The following TNFRSF14 variants were observed in gnomAD, a reference collection of about 807,000 sequenced individuals.
The protein encoded by TNFRSF14 is tumor necrosis factor receptor superfamily member 14.
In TNFRSF14, 18 loss-of-function variants were observed where a neutral mutation model predicts 34.1. That is an observed-to-expected ratio of 0.53 (90% CI 0.36 to 0.78). TNFRSF14 has a LOEUF of 0.78. Ranked by LOEUF, TNFRSF14 falls within the 30% of genes least tolerant of loss-of-function variation. The pLI is 0.00. For synonymous variants in TNFRSF14, 157 were observed against 153.2 expected, an observed-to-expected ratio of 1.02 and a Z score of -0.18; for missense variants, 352 against 379.5, an observed-to-expected ratio of 0.93 and a Z score of 0.60.
rs1271749137 is a variant in TNFRSF14, at chr1:2,556,398, T to C, written c.-267T>C. The C allele has an allele frequency of 2.6e-5, 18 of 680,874 alleles. No individual in the cohort carries two copies. The highest frequency in any genetic ancestry group is 4.3e-5 in the Non-Finnish European group (16 of 371,454). 42.2% of individuals were successfully genotyped at this position (680,874 alleles called of 1,614,324 possible). The stretch of plus-strand genomic sequence containing the variant: ...ACCGGCCCTTCCCCTCGGCTTTGCC[T>C]GGACAGCTCCTGCCTCCCGCAGGGC... On this transcript the variant is annotated 5_prime_UTR_variant, in exon 1 of 8. Coordinates refer to ENST00000355716, the MANE Select transcript of TNFRSF14 (RefSeq NM_003820.4).
In TNFRSF14 at chr1:2,563,149, G is replaced by A. The variant is rs377222246; in HGVS notation, c.728G>A (p.Arg243Gln). 7.1e-5 allele frequency: 115 copies of A among 1,613,428 alleles called. 2 individuals are homozygous for A. Among genetic ancestry groups the A allele is most frequent in the South Asian group, 2.2e-4 (20 of 91,086 alleles). The change falls in exon 8 of 8, where the codon CGG becomes CAG. Residue 243 changes from arginine to glutamine, a missense_variant and splice_region_variant. Coordinates refer to ENST00000355716, the MANE Select transcript of TNFRSF14 (RefSeq NM_003820.4). Reference sequence around the variant, plus strand: ...TCTCCACGATTCGTGTGCTCACAGCGGAAAAGACAGGAGGCAGAAGGTGAG... The same window carrying A: ...TCTCCACGATTCGTGTGCTCACAGCAGAAAAGACAGGAGGCAGAAGGTGAG... ...DVVKVIVSVQ[R>Q]KRQEAEGEAT... is the part of the protein sequence containing the mutation.
At chr1:2,558,830 C>A (rs1246865948) in intron 3 of TNFRSF14, 19 of 1,324,138 alleles carry the variant, frequency 1.4e-5, no homozygotes, top group Non-Finnish European at 1.8e-5. Context: ...CTCCGGCCGG[C>A]ACTCGGGCCT....
In TNFRSF14 at chr1:2,556,714, A is replaced by G. The variant is rs4870; in HGVS notation, c.50A>G (p.Lys17Arg). 802,136 of 1,602,598 alleles carry G rather than the reference A, an allele frequency of 0.5. 204,775 individuals are homozygous for G. Among genetic ancestry groups the G allele is most frequent in the African/African-American group, 0.72 (54,052 of 74,620 alleles). Reference protein sequence around the residue: ...WGPPPWRSTPKTDVLRLVLYL... With the variant: ...WGPPPWRSTPRTDVLRLVLYL... ...CCTCCTCCCTGGAGATCCACCCCCA[A>G]AACCGACGTCTTGAGGCTGGTGAGC... Residue 17 changes from lysine (K) to arginine (R), a missense_variant, in exon 1 of 8, where the codon AAA (lysine) becomes AGA (arginine). Physicochemically the swap from Lys to Arg is conservative, Grantham distance 26. Transcript: ENST00000355716.
At chr1:2,554,937 G>A (rs1449940766), upstream of TNFRSF14, 1 of 152,158 alleles carries the variant, frequency 6.6e-6, no homozygotes, top group East Asian at 1.9e-4. This position sits in a 1 kb window ranked among gnomAD's most constrained non-coding sequence, Gnocchi z 4.2. Flanking sequence ...TGCCCTCCTG[G>A]GGCCCCCGGG....
intron 7 of TNFRSF14, 63 bp downstream of exon 7, chr1:2,562,959 G>T: frequency 1.3e-6 from 2 of 1,557,896 alleles, no homozygotes; most frequent in Non-Finnish European, 1.8e-6. Context: ...CTCCCCGCTG[G>T]GGCTGGTGTT....
chr1:2,557,957 C>A, intron 2 of TNFRSF14, 123 bp downstream of exon 2: 1 of 843,568 alleles, frequency 1.2e-6, no homozygotes, highest in East Asian at 2.9e-5. Context: ...AGCCCTGGGG[C>A]TAGGTGTGCA....
chr1:2,562,005 G>T (rs955159332), intron 6 of TNFRSF14, 190 bp downstream of exon 6: 18 of 661,234 alleles, frequency 2.7e-5, no homozygotes, highest in Admixed American at 1.7e-4. Context: ...TGGCCTCCCT[G>T]GGGGAAGGGA....
intron 1 of TNFRSF14, chr1:2,556,971 A>C: frequency 4.3e-6 from 2 of 467,290 alleles, no homozygotes; most frequent in Non-Finnish European, 7.6e-6. Flanking sequence ...TGTGTCCCCC[A>C]CTCACCACTC....
intron 3 of TNFRSF14, chr1:2,558,915 T>A (rs1467902327): frequency 7.3e-7 from 1 of 1,361,450 alleles, no homozygotes; most frequent in Non-Finnish European, 9.7e-7. Flanking sequence ...GGGGAAGAGG[T>A]CACCTGGAGG....
chr1:2,560,832 AC>A (rs1220011580), intron 5 of TNFRSF14, 118 bp downstream of exon 5: 1 of 877,884 alleles, frequency 1.1e-6, no homozygotes, highest in Non-Finnish European at 1.8e-6. Context: ...CCTGAGCGGC[AC>A]CCTGGTCACA....
intron 6 of TNFRSF14, chr1:2,562,624 G>A (rs1265389237): frequency 4.9e-6 from 3 of 612,876 alleles, no homozygotes; most frequent in Non-Finnish European, 8.7e-6. Context: ...GCCTCAGCTG[G>A]GGAGGTGGGC....
intron 3 of TNFRSF14, 69 bp downstream of exon 3, chr1:2,558,537 C>G (rs945311667): frequency 3.7e-5 from 59 of 1,592,968 alleles, no homozygotes; most frequent in Non-Finnish European, 4.6e-5. Context: ...CCTGCACCCT[C>G]TCTCCATGGC....
chr1:2,558,533 C>T, intron 3 of TNFRSF14, 65 bp downstream of exon 3: 1 of 1,596,310 alleles, frequency 6.3e-7, no homozygotes, highest in Non-Finnish European at 8.5e-7. Context: ...GCACCCTGCA[C>T]CCTCTCTCCA....
At chr1:2,559,600 C>T (rs183193750) in intron 3 of TNFRSF14, 247 of 1,533,240 alleles carry the variant, frequency 1.6e-4, no homozygotes, top group Admixed American at 9.6e-4. Context: ...CCAGGACCTT[C>T]CTGCAAGCCC....
chr1:2,560,785 G>A, intron 5 of TNFRSF14, 71 bp downstream of exon 5: 9 of 1,419,832 alleles, frequency 6.3e-6, no homozygotes, highest in African/African-American at 1.4e-5. Context: ...CCTGGGAGAT[G>A]ACCGTCTTCT....
intron 3 of TNFRSF14, chr1:2,559,582 A>G: frequency 6.5e-7 from 1 of 1,530,512 alleles, no homozygotes; most frequent in East Asian, 2.5e-5. Flanking sequence ...CCCATCAACG[A>G]AGCCCTCCCA....
Position 2,561,936 on chromosome 1 carries a change from C to T in TNFRSF14, c.694+121C>T, listed in dbSNP as rs1256198179. 9.0e-7 allele frequency: 1 copy of T among 1,106,804 alleles called. No homozygotes were observed. 68.6% of individuals were successfully genotyped at this position (1,106,804 alleles called of 1,614,324 possible). ...CCAGGATCCGCGGCTCCTCCCAGGGCAGCCACTGCAGGCTGGGGCAGGTGG... is the reference window on the plus strand; with the variant it reads ...CCAGGATCCGCGGCTCCTCCCAGGGTAGCCACTGCAGGCTGGGGCAGGTGG... On this transcript the variant is annotated intron_variant, in intron 6 of 7. Coordinates refer to ENST00000355716, the MANE Select transcript of TNFRSF14 (RefSeq NM_003820.4). The surrounding 1 kb of genome is among the most constrained non-coding windows in gnomAD (Gnocchi z 6.0).
intron 1 of TNFRSF14, 24 bp from the exon 2 acceptor site, chr1:2,557,702 C>A (rs1227977024): frequency 6.5e-7 from 1 of 1,549,176 alleles, no homozygotes; most frequent in South Asian, 1.2e-5. Flanking sequence ...GGGCATCTCC[C>A]AATGCCTGTC....
chr1:2,559,002 G>A, intron 3 of TNFRSF14: 4 of 1,367,822 alleles, frequency 2.9e-6, no homozygotes, highest in Non-Finnish European at 3.9e-6. Flanking sequence ...TGAGCGCAGA[G>A]CCTGTCCATG....
Sources: allele counts gnomAD v4.1 joint callset, GRCh38; gene constraint gnomAD v4.1.1; non-coding constraint Gnocchi (gnomAD v3.1); transcripts MANE v1.5; gene names NCBI Gene and HGNC (gene_info 2026-07-23, HGNC 2026-07-21).